The following PTPRD variants were observed in gnomAD, a reference collection of about 807,000 sequenced individuals.
PTPRD encodes receptor-type tyrosine-protein phosphatase delta.
A neutral mutation model predicts 214.5 loss-of-function variants in PTPRD; 34 were observed. That is an observed-to-expected ratio of 0.16 (90% CI 0.12 to 0.21). The LOEUF (loss-of-function observed/expected upper bound fraction) is 0.21, where lower values mean the gene tolerates loss of function less well. PTPRD is among the 10% of genes least tolerant of loss of function. The probability of loss-of-function intolerance (pLI) is 1.00; values close to 1 mark genes in which losing one functional copy is unlikely to be tolerated. For missense variants in PTPRD, 2,545 were observed against 2,398.7 expected, an observed-to-expected ratio of 1.06 and a Z score of -1.27; for synonymous variants, 1,128 against 845.7, an observed-to-expected ratio of 1.33 and a Z score of -5.79.
chr9:8,974,573 T>C (rs941655385), intron 11 of PTPRD, among the ~76,000 whole-genome samples: 1 of 152,030 alleles, frequency 6.6e-6, no homozygotes, highest in African/African-American at 2.4e-5. Flanking sequence ...CAGGATGGCA[T>C]CTGTTGCCAT....
chr9:8,373,610 C>CGG (rs2082175045), intron 39 of PTPRD, among the ~76,000 whole-genome samples: 1 of 121,484 alleles, frequency 8.2e-6, no homozygotes, highest in African/African-American at 3.3e-5. Flanking sequence ...AACATGGATG[C>CGG]GGGTGTGTGT....
At position 10,499,373 on chromosome 9, in the gene PTPRD, G is replaced by A. The variant is rs530035407; in HGVS notation, c.-600+113025C>T. 1.2e-4 allele frequency among the ~76,000 whole-genome samples: 18 copies of A among 151,934 alleles called. No homozygotes were observed. The South Asian group carries it at 2.5e-3, about 21-fold the overall frequency. Reference sequence around the variant, plus strand: ...TAAACTCGATAGATTATTATTACTAGGGATAAACAAAGACCATATATTCAA... The same window carrying A: ...TAAACTCGATAGATTATTATTACTAAGGATAAACAAAGACCATATATTCAA... On this transcript the variant is annotated intron_variant, in intron 2 of 45. Transcript: ENST00000381196.
At chr9:10,377,092 A>G (rs1197137046) in intron 2 of PTPRD, among the ~76,000 whole-genome samples, 1 of 151,668 alleles carries the variant, frequency 6.6e-6, no homozygotes, top group Non-Finnish European at 1.5e-5. Context: ...TCCTTCTACT[A>G]TCCATGGCTG....
At chr9:10,446,358 T>A (rs2098799146) in intron 2 of PTPRD, among the ~76,000 whole-genome samples, 9 of 150,660 alleles carry the variant, frequency 6.0e-5, no homozygotes, top group Admixed American at 6.0e-4. Flanking sequence ...GAGATGAATA[T>A]AAGAACTATT....
intron 6 of PTPRD, among the ~76,000 whole-genome samples, chr9:9,764,756 T>G (rs550860902): frequency 1.3e-5 from 2 of 152,300 alleles, no homozygotes; most frequent in East Asian, 3.9e-4. Context: ...ATTCCACGGA[T>G]AGCAAGTGAC....
intron 3 of PTPRD, among the ~76,000 whole-genome samples, chr9:10,309,099 A>T (rs945035049): frequency 6.6e-6 from 1 of 152,046 alleles, no homozygotes; most frequent in Non-Finnish European, 1.5e-5. Flanking sequence ...ACTAGTTTTA[A>T]CAAATCCTAA....
At chr9:10,303,873 A>T (rs1298918657) in intron 3 of PTPRD, among the ~76,000 whole-genome samples, 1 of 152,122 alleles carries the variant, frequency 6.6e-6, no homozygotes, top group African/African-American at 2.4e-5. Flanking sequence ...AAACTATTCC[A>T]AGCAACAAAA....
intron 8 of PTPRD, among the ~76,000 whole-genome samples, chr9:9,553,290 G>A (rs1591444129): frequency 6.6e-6 from 1 of 151,982 alleles, no homozygotes; most frequent in Admixed American, 6.6e-5. Flanking sequence ...TTTATTGAAT[G>A]AATGAATTCA....
chr9:9,701,537 T>A (rs944606033), intron 7 of PTPRD, among the ~76,000 whole-genome samples: 3 of 152,184 alleles, frequency 2.0e-5, no homozygotes, highest in Admixed American at 1.3e-4. Flanking sequence ...GTATTTTGTA[T>A]TTGGGAAGGC....
chr9:8,965,912 T>C (rs1191715172), intron 11 of PTPRD, among the ~76,000 whole-genome samples: 1 of 152,098 alleles, frequency 6.6e-6, no homozygotes, highest in Non-Finnish European at 1.5e-5. Context: ...CAAAAGACTA[T>C]GAGAACTGAT....
chr9:8,827,240 T>G (rs1309671353), intron 11 of PTPRD, among the ~76,000 whole-genome samples: 1 of 152,080 alleles, frequency 6.6e-6, no homozygotes, highest in East Asian at 1.9e-4. Context: ...CATATTTCAG[T>G]CCCCCAAACC....
chr9:9,746,773 T>C (rs1161612665), intron 6 of PTPRD, among the ~76,000 whole-genome samples: 2 of 151,916 alleles, frequency 1.3e-5, no homozygotes, highest in African/African-American at 4.8e-5. Context: ...GGTCACAGTT[T>C]TTTACTTCAG....
At chr9:9,835,010 C>G (rs1440982249) in intron 5 of PTPRD, among the ~76,000 whole-genome samples, 5 of 151,852 alleles carry the variant, frequency 3.3e-5, no homozygotes, top group Non-Finnish European at 7.4e-5. Flanking sequence ...ACTTCTACCA[C>G]CTTCCTTTAT....
At chr9:10,071,379 G>A (rs1013453588) in intron 3 of PTPRD, among the ~76,000 whole-genome samples, 15 of 152,142 alleles carry the variant, frequency 9.9e-5, no homozygotes, top group South Asian at 2.1e-4. Flanking sequence ...AAGACTTACC[G>A]TAGAGCTACA....
chr9:8,520,956 G>C (rs1018125190), intron 20 of PTPRD, among the ~76,000 whole-genome samples: 1 of 151,878 alleles, frequency 6.6e-6, no homozygotes, highest in African/African-American at 2.4e-5. Context: ...CTAGTATGTA[G>C]ACTGTACACA....
chr9:8,877,051 C>T (rs544130647), intron 11 of PTPRD, among the ~76,000 whole-genome samples: 5 of 152,060 alleles, frequency 3.3e-5, no homozygotes, highest in South Asian at 4.2e-4. Flanking sequence ...CTCAGCCTCC[C>T]GAGTAGCTGG....
At chr9:8,705,319 C>G (rs1260813640) in intron 12 of PTPRD, among the ~76,000 whole-genome samples, 1 of 152,146 alleles carries the variant, frequency 6.6e-6, no homozygotes. Flanking sequence ...CTCTGGGATT[C>G]TGTGATTCTC....
At chr9:9,529,003 A>T (rs1206053555) in intron 8 of PTPRD, among the ~76,000 whole-genome samples, 1 of 142,892 alleles carries the variant, frequency 7.0e-6, no homozygotes, top group Non-Finnish European at 1.5e-5. Context: ...CAATGGTGTG[A>T]TCTTGGTTCA....
At chr9:9,595,245 C>T (rs1474897330) in intron 7 of PTPRD, among the ~76,000 whole-genome samples, 1 of 140,850 alleles carries the variant, frequency 7.1e-6, no homozygotes, top group Admixed American at 7.1e-5. Context: ...GGGTATCTAC[C>T]CAGAGGGAAA....
Sources: allele counts gnomAD v4.1 joint callset (sites outside exome capture counted in the v4.1 genomes callset), GRCh38; gene constraint gnomAD v4.1.1; transcripts MANE v1.5; gene names NCBI Gene and HGNC (gene_info 2026-07-23, HGNC 2026-07-21).